Variants in EFCAB11 observed in about 807,000 individuals in gnomAD.
EFCAB11 encodes EF-hand calcium binding domain 11.
Under a neutral mutation model 23.0 loss-of-function variants are expected in EFCAB11, and 14 were observed. That is an observed-to-expected ratio of 0.61 (90% CI 0.40 to 0.95). The LOEUF (loss-of-function observed/expected upper bound fraction) is 0.95. Ranked by LOEUF, EFCAB11 falls within the 40% of genes least tolerant of loss-of-function variation. EFCAB11 has a pLI of 0.00. For synonymous variants in EFCAB11, 65 were observed against 66.6 expected (o/e 0.98, Z 0.11); for missense variants, 198 against 195.8 (o/e 1.01, Z -0.07).
intron 5 of EFCAB11, chr14:89,831,306 A>G (rs1277616498): frequency 6.6e-6 from 1 of 152,226 alleles, no homozygotes; most frequent in East Asian, 1.9e-4. Context: ...AAGATGAGGA[A>G]TCTGGTTTTG....
intron 5 of EFCAB11, among the ~76,000 whole-genome samples, chr14:89,883,522 T>C (rs770801940): frequency 6.6e-6 from 1 of 152,200 alleles, no homozygotes; most frequent in African/African-American, 2.4e-5. Context: ...TTATTCATAA[T>C]GCCTAATACA....
chr14:89,813,687 T>A (rs1339960287), intron 5 of EFCAB11, among the ~76,000 whole-genome samples: 1 of 136,442 alleles, frequency 7.3e-6, no homozygotes, highest in Non-Finnish European at 1.5e-5. Flanking sequence ...GCCTATGTGC[T>A]CAGCACACAA....
chr14:89,820,559 A>G (rs992766248), intron 5 of EFCAB11, among the ~76,000 whole-genome samples: 2 of 151,670 alleles, frequency 1.3e-5, no homozygotes, highest in Non-Finnish European at 2.9e-5. Context: ...GCGACATCAC[A>G]TATTTCCCTC....
chr14:89,951,599 A>G (rs1891168521), intron 2 of EFCAB11, among the ~76,000 whole-genome samples: 1 of 152,134 alleles, frequency 6.6e-6, no homozygotes, highest in African/African-American at 2.4e-5. Flanking sequence ...CTTTTATTAA[A>G]TAGAAACAAT....
At chr14:89,825,750 GAGAA>G (rs1433123615) in intron 5 of EFCAB11, among the ~76,000 whole-genome samples, 1 of 151,946 alleles carries the variant, frequency 6.6e-6, no homozygotes, top group African/African-American at 2.4e-5. Flanking sequence ...GAAAAAAAAA[GAGAA>G]AGAGAGAAAG....
At chr14:89,827,714 C>A (rs1421250283) in intron 5 of EFCAB11, among the ~76,000 whole-genome samples, 1 of 142,920 alleles carries the variant, frequency 7.0e-6, no homozygotes, top group Admixed American at 7.6e-5. Flanking sequence ...GCTCATTGTA[C>A]CCTCCGCCTC....
chr14:89,810,832 G>A (rs72693765), intron 5 of EFCAB11, among the ~76,000 whole-genome samples: 32,788 of 151,686 alleles, frequency 0.22, 4,271 homozygotes, highest in Non-Finnish European at 0.3. Context: ...GCCCACTATG[G>A]TCCACGCACA....
intron 5 of EFCAB11, among the ~76,000 whole-genome samples, chr14:89,840,223 A>G (rs1413555952): frequency 6.6e-6 from 1 of 152,232 alleles, no homozygotes; most frequent in South Asian, 2.1e-4. Context: ...ACAAACACCC[A>G]TGTCTTAAAT....
At chr14:89,893,082 G>A (rs935554577) in intron 5 of EFCAB11, among the ~76,000 whole-genome samples, 8 of 152,110 alleles carry the variant, frequency 5.3e-5, no homozygotes, top group African/African-American at 1.9e-4. Flanking sequence ...GCCGCGCTGT[G>A]AACTGAATGA....
chr14:89,878,471 T>C (rs1235728537), intron 5 of EFCAB11, among the ~76,000 whole-genome samples: 1 of 152,114 alleles, frequency 6.6e-6, no homozygotes, highest in African/African-American at 2.4e-5. Context: ...AAAGCAACAA[T>C]CCATATCCAA....
chr14:89,902,549 C>T (rs1242493767), intron 5 of EFCAB11, among the ~76,000 whole-genome samples: 5 of 152,124 alleles, frequency 3.3e-5, no homozygotes, highest in Non-Finnish European at 5.9e-5. Context: ...AATTTAAAAT[C>T]CTTAATCTCA....
intron 5 of EFCAB11, among the ~76,000 whole-genome samples, chr14:89,859,063 T>G (rs927684173): frequency 6.6e-6 from 1 of 152,150 alleles, no homozygotes; most frequent in Non-Finnish European, 1.5e-5. Context: ...GCAGTAATAA[T>G]GAAAGCAAAT....
chr14:89,856,981 AG>A (rs1279382359), intron 5 of EFCAB11, among the ~76,000 whole-genome samples: 1 of 152,202 alleles, frequency 6.6e-6, no homozygotes, highest in Non-Finnish European at 1.5e-5. Context: ...AATTTCTCCT[AG>A]CTGAGAACTA....
chr14:89,863,726 C>G (rs1223223476), intron 5 of EFCAB11, among the ~76,000 whole-genome samples: 1 of 152,142 alleles, frequency 6.6e-6, no homozygotes, highest in Non-Finnish European at 1.5e-5. Flanking sequence ...GTTCATATAT[C>G]TGTGAATATT....
rs989448749 is a variant in EFCAB11 at position 89,795,347 on chromosome 14, CTT to C, written c.*1894_*1895del. 4 of 150,386 alleles carry C rather than the reference CTT, an allele frequency of 2.7e-5. No homozygotes were observed. The highest frequency in any genetic ancestry group is 9.9e-5 in the African/African-American group (4 of 40,328). 9.3% of individuals were successfully genotyped at this position (150,386 alleles called of 1,614,324 possible). On this transcript the variant is annotated 3_prime_UTR_variant, in exon 6 of 6. Transcript: ENST00000316738. ...ACCAAATGACATTTAGTTGTCACAT[CTT>C]GTTAGGCTCCTCTTATTTGACAGTT...
chr14:89,948,548 G>A (rs542228168), intron 3 of EFCAB11, among the ~76,000 whole-genome samples: 2 of 152,332 alleles, frequency 1.3e-5, no homozygotes, highest in South Asian at 2.1e-4. Context: ...ACTGTTTGTT[G>A]CAGCATTGTT....
intron 5 of EFCAB11, among the ~76,000 whole-genome samples, chr14:89,897,879 G>A (rs1209539453): frequency 1.3e-5 from 2 of 151,948 alleles, no homozygotes; most frequent in Admixed American, 1.3e-4. Flanking sequence ...ATGTAAATAC[G>A]GTTGAAAATA....
At chr14:89,822,842 A>G (rs1886569892) in intron 5 of EFCAB11, among the ~76,000 whole-genome samples, 1 of 152,196 alleles carries the variant, frequency 6.6e-6, no homozygotes, top group African/African-American at 2.4e-5. Flanking sequence ...AGTAAAAGCT[A>G]TTCTAGAACT....
intron 5 of EFCAB11, among the ~76,000 whole-genome samples, chr14:89,907,534 G>A (rs912115932): frequency 6.6e-6 from 1 of 152,210 alleles, no homozygotes; most frequent in East Asian, 1.9e-4. Context: ...GCTATGAAAA[G>A]GGTTATGGTC....
Sources: allele counts gnomAD v4.1 joint callset (sites outside exome capture counted in the v4.1 genomes callset), GRCh38; gene constraint gnomAD v4.1.1; transcripts MANE v1.5; gene names NCBI Gene and HGNC (gene_info 2026-07-23, HGNC 2026-07-21).